PTPRK: variants seen among roughly 807,000 people sequenced by gnomAD.
PTPRK encodes protein tyrosine phosphatase receptor type K, also known as receptor-type tyrosine-protein phosphatase kappa.
In PTPRK, 75 loss-of-function variants were observed where a neutral mutation model predicts 178.0. That is an observed-to-expected ratio of 0.42 (90% CI 0.35 to 0.51). The LOEUF is 0.51. Among genes scored for constraint, PTPRK ranks in the 20% least tolerant of loss-of-function variants. PTPRK has a pLI of 0.02. For synonymous variants in PTPRK, 637 were observed against 620.6 expected (o/e 1.03, Z -0.39); for missense variants, 1,441 against 1,797.8 (o/e 0.80, Z 3.59).
intron 13 of PTPRK, among the ~76,000 whole-genome samples, chr6:128,051,506 T>C (rs535957641): frequency 1.3e-5 from 2 of 152,348 alleles, no homozygotes; most frequent in Non-Finnish European, 2.9e-5. Flanking sequence ...CATCCTATTT[T>C]ATTTGAGCTT....
chr6:128,504,600 C>T (rs1012493894), intron 1 of PTPRK, among the ~76,000 whole-genome samples: 4 of 152,116 alleles, frequency 2.6e-5, no homozygotes, highest in East Asian at 1.9e-4. Context: ...AAGAATTAGC[C>T]GGGAAAGGGC....
At chr6:128,327,942 C>G (rs1397489888) in intron 2 of PTPRK, among the ~76,000 whole-genome samples, 1 of 152,144 alleles carries the variant, frequency 6.6e-6, no homozygotes, top group Non-Finnish European at 1.5e-5. Flanking sequence ...CAATCCTGCT[C>G]TAGGGAAGCT....
rs1286905571 is a variant in PTPRK at position 127,979,576 on chromosome 6, G to A, written c.3711+1540C>T. ...GTGATTAATGGCCAGGCAAGACTCCGATCACAGCAAGGATGAGAGCTTTTC... is the reference window on the plus strand; with the variant it reads ...GTGATTAATGGCCAGGCAAGACTCCAATCACAGCAAGGATGAGAGCTTTTC... On this transcript the variant is annotated intron_variant, in intron 25 of 29. Transcript: ENST00000368226. Among the ~76,000 whole-genome samples the A allele has an allele frequency of 3.3e-5, 5 of 152,168 alleles. No homozygotes were observed. In the East Asian group the frequency reaches 5.8e-4, roughly 18 times the overall value.
chr6:128,295,074 A>G (rs1302704606), intron 3 of PTPRK, among the ~76,000 whole-genome samples: 1 of 152,112 alleles, frequency 6.6e-6, no homozygotes, highest in Non-Finnish European at 1.5e-5. Flanking sequence ...AGTCAGTAAT[A>G]TGTGATTCTC....
chr6:128,057,015 T>G (rs1289974885), intron 13 of PTPRK, among the ~76,000 whole-genome samples: 2 of 152,196 alleles, frequency 1.3e-5, no homozygotes, highest in African/African-American at 4.8e-5. Context: ...CCATATTCTC[T>G]ACTTAGGGAA....
At chr6:128,066,262 C>T (rs1237050044) in intron 12 of PTPRK, among the ~76,000 whole-genome samples, 1 of 152,154 alleles carries the variant, frequency 6.6e-6, no homozygotes, top group African/African-American at 2.4e-5. Flanking sequence ...AAAGTGGACA[C>T]TGGACTACTC....
At chr6:128,300,055 G>A (rs562360272) in intron 3 of PTPRK, among the ~76,000 whole-genome samples, 12 of 152,228 alleles carry the variant, frequency 7.9e-5, no homozygotes, top group African/African-American at 2.9e-4. Flanking sequence ...AACAAAAAGT[G>A]GGCAAAGGAC....
intron 1 of PTPRK, among the ~76,000 whole-genome samples, chr6:128,503,946 C>T (rs1048748945): frequency 1.3e-5 from 2 of 151,066 alleles, no homozygotes; most frequent in African/African-American, 4.9e-5. Flanking sequence ...GTAATCAATC[C>T]TGGAAATGCA....
chr6:128,178,135 T>G (rs914502660), intron 7 of PTPRK, among the ~76,000 whole-genome samples: 7 of 151,840 alleles, frequency 4.6e-5, no homozygotes, highest in Non-Finnish European at 1.0e-4. Context: ...TTTAGAAAAA[T>G]TAATAGTGTT....
At chr6:128,501,391 T>TCACA (rs67621491) in intron 1 of PTPRK, among the ~76,000 whole-genome samples, 2,057 of 145,640 alleles carry the variant, frequency 0.014, 54 homozygotes, top group African/African-American at 0.046. Flanking sequence ...TAAACTCAAA[T>TCACA]CACACACACA....
At position 128,463,046 on chromosome 6, in the gene PTPRK, C is replaced by A. The variant is rs115950137; in HGVS notation, c.100+57213G>T. On this transcript the variant is annotated intron_variant, in intron 1 of 29. Transcript: ENST00000368226. ...AGAACCCCTATCACACTGTGCATGA[C>A]ACTTGGAAAATTAATTAATTGGGTT... Among the ~76,000 whole-genome samples the A allele has an allele frequency of 9.5e-3, 1,450 of 152,162 alleles. 34 individuals are homozygous for A. The highest frequency in any genetic ancestry group is 0.033 in the African/African-American group (1,365 of 41,524).
intron 7 of PTPRK, among the ~76,000 whole-genome samples, chr6:128,096,139 G>C (rs1171721153): frequency 6.6e-6 from 1 of 152,138 alleles, no homozygotes; most frequent in African/African-American, 2.4e-5. Context: ...GGTAAATAAA[G>C]AAGTAACATA....
chr6:128,301,703 T>C (rs1307624459), intron 3 of PTPRK, among the ~76,000 whole-genome samples: 1 of 152,182 alleles, frequency 6.6e-6, no homozygotes, highest in African/African-American at 2.4e-5. Flanking sequence ...TTATCACATA[T>C]ACTAAATGAA....
At chr6:128,004,394 T>A (rs1253644685) in intron 15 of PTPRK, among the ~76,000 whole-genome samples, 1 of 151,810 alleles carries the variant, frequency 6.6e-6, no homozygotes, top group African/African-American at 2.4e-5. Flanking sequence ...GATTCTGGGG[T>A]AATTATTAAA....
At chr6:128,127,217 C>A (rs920819483) in intron 7 of PTPRK, among the ~76,000 whole-genome samples, 1 of 152,190 alleles carries the variant, frequency 6.6e-6, no homozygotes, top group African/African-American at 2.4e-5. Flanking sequence ...AATTGGTTAA[C>A]TGTAGTACTC....
intron 3 of PTPRK, among the ~76,000 whole-genome samples, chr6:128,248,813 C>T (rs1352711243): frequency 1.3e-5 from 2 of 152,074 alleles, no homozygotes; most frequent in Admixed American, 6.6e-5. Flanking sequence ...GATATGGGAT[C>T]AAGGAAAGGT....
chr6:128,403,913 A>C (rs1037939235), intron 1 of PTPRK, among the ~76,000 whole-genome samples: 2 of 152,198 alleles, frequency 1.3e-5, no homozygotes, highest in Non-Finnish European at 2.9e-5. Flanking sequence ...TTTTTGTCAT[A>C]ACTACAAAAC....
intron 1 of PTPRK, among the ~76,000 whole-genome samples, chr6:128,461,994 T>G (rs970840220): frequency 2.0e-5 from 3 of 152,184 alleles, no homozygotes. Flanking sequence ...TGTTGGTATT[T>G]TTTTCTTTTG....
At position 128,233,402 on chromosome 6, in the gene PTPRK, C is replaced by T. The variant is rs114663014; in HGVS notation, c.693+6633G>A. Among the ~76,000 whole-genome samples the T allele has an allele frequency of 4.8e-3, 730 of 152,320 alleles. 4 individuals carry two copies. Among genetic ancestry groups the T allele is most frequent in the African/African-American group, 0.016 (647 of 41,572 alleles). On this transcript the variant is annotated intron_variant, in intron 5 of 29. Transcript: ENST00000368226. ...CTTTGGAATTTGCCTGGACAGGTAA[C>T]GCACTATGTGGTCAGAAGTTTTAGA...
Sources: allele counts gnomAD v4.1 joint callset (sites outside exome capture counted in the v4.1 genomes callset), GRCh38; gene constraint gnomAD v4.1.1; transcripts MANE v1.5; gene names NCBI Gene and HGNC (gene_info 2026-07-23, HGNC 2026-07-21).